Variants in GOLM2 observed in about 807,000 individuals in gnomAD.
GOLM2 encodes protein GOLM2.
A neutral mutation model predicts 55.9 loss-of-function variants in GOLM2; 26 were observed. The observed-to-expected ratio is 0.47, with a 90% CI of 0.34 to 0.65. GOLM2 has a LOEUF of 0.65. Ranked by LOEUF, GOLM2 falls within the 30% of genes least tolerant of loss-of-function variation. The pLI is 0.01. For missense variants in GOLM2, 486 were observed against 531.8 expected, an observed-to-expected ratio of 0.91 and a Z score of 0.85; for synonymous variants, 165 against 194.6, an observed-to-expected ratio of 0.85 and a Z score of 1.27.
chr15:44,289,461 C>A lies in GOLM2; in HGVS notation c.327+105C>A. On this transcript the variant is annotated intron_variant, in intron 1 of 9. Transcript: ENST00000299957. The surrounding 1 kb of genome is among the most constrained non-coding windows in gnomAD (Gnocchi z 4.8). ...TGTTGTCTTATGCCTTCCAGTATTT[C>A]AGTCCTGAAGGCTCCTTTCACCCCC... The A allele has an allele frequency of 9.3e-7, 1 of 1,073,650 alleles. No individual in the cohort carries two copies. The highest frequency in any genetic ancestry group is 1.3e-6 in the Non-Finnish European group (1 of 756,498). The allele number at this position is 1,073,650 out of a possible 1,614,324, so 66.5% of individuals were successfully genotyped here.
chr15:44,289,308 C>T lies in GOLM2; in HGVS notation c.279C>T (p.Ser93=). 1 of 1,613,728 alleles carries T rather than the reference C, an allele frequency of 6.2e-7. No homozygotes were observed. Among genetic ancestry groups the T allele is most frequent in the Non-Finnish European group, 8.5e-7 (1 of 1,179,886 alleles). The part of the protein sequence containing the change: ...QKEADYGRLS[S]RLQAREGLGK... ...AGGCCGACTACGGCCGCCTCAGCAG[C>T]CGGCTGCAGGCCAGAGAGGGCCTCG... Residue 93 remains serine, a synonymous_variant, in exon 1 of 10, where the codon AGC becomes AGT. Coordinates refer to ENST00000299957, the MANE Select transcript of GOLM2 (RefSeq NM_138423.4). This position sits in a 1 kb window ranked among gnomAD's most constrained non-coding sequence, Gnocchi z 4.8.
chr15:44,392,516 A>G (rs530442329), intron 8 of GOLM2, among the ~76,000 whole-genome samples: 6 of 151,744 alleles, frequency 4.0e-5, no homozygotes, highest in African/African-American at 1.5e-4. Flanking sequence ...CCAGCTACTT[A>G]GGAGGCTGAG....
At chr15:44,329,402 A>G (rs780008552) in intron 3 of GOLM2, among the ~76,000 whole-genome samples, 2 of 152,092 alleles carry the variant, frequency 1.3e-5, no homozygotes, top group African/African-American at 2.4e-5. Flanking sequence ...CTGACTTCTT[A>G]CTCTTGTAGG....
At position 44,330,072 on chromosome 15, in the gene GOLM2, G is replaced by A. The variant is rs566819494; in HGVS notation, c.485+1285G>A. 3.9e-3 allele frequency among the ~76,000 whole-genome samples: 590 copies of A among 150,618 alleles called. 5 individuals are homozygous for A. The highest frequency in any genetic ancestry group is 0.014 in the African/African-American group (561 of 41,134). ...ACCACAGGTGCCCGCCACCACGCCC[G>A]GCTAATTTTTTGTATTTTTAGTAGA... On this transcript the variant is annotated intron_variant, in intron 3 of 9. Transcript: ENST00000299957.
At chr15:44,348,074 C>G (rs1567031878) in intron 6 of GOLM2, among the ~76,000 whole-genome samples, 1 of 151,520 alleles carries the variant, frequency 6.6e-6, no homozygotes, top group Non-Finnish European at 1.5e-5. Context: ...TAGGAGATGC[C>G]ATGGCCTTGA....
At chr15:44,318,575 G>T (rs1427716888) in intron 1 of GOLM2, among the ~76,000 whole-genome samples, 1 of 152,112 alleles carries the variant, frequency 6.6e-6, no homozygotes. Context: ...TGTGTGTGGT[G>T]GTATGTGCCT....
At chr15:44,400,336 G>A (rs535723443) in intron 8 of GOLM2, among the ~76,000 whole-genome samples, 3 of 146,672 alleles carry the variant, frequency 2.0e-5, no homozygotes, top group South Asian at 4.3e-4. Flanking sequence ...TTTTTTCTTT[G>A]AGACAGAGTT....
intron 6 of GOLM2, among the ~76,000 whole-genome samples, chr15:44,361,034 T>C (rs1379850258): frequency 1.3e-5 from 2 of 150,390 alleles, no homozygotes; most frequent in African/African-American, 2.5e-5. Flanking sequence ...TACCAGAATC[T>C]CTGGGACACA....
At chr15:44,307,405 G>GGTTT (rs1595617681) in intron 1 of GOLM2, 1 of 152,028 alleles carries the variant, frequency 6.6e-6, no homozygotes, top group Non-Finnish European at 1.5e-5. Context: ...GTAGAGATGG[G>GGTTT]GTTTCACAGT....
intron 8 of GOLM2, chr15:44,387,273 C>A: frequency 6.6e-6 from 1 of 151,508 alleles, no homozygotes; most frequent in Non-Finnish European, 1.5e-5. Flanking sequence ...GTCTTTCAAT[C>A]CATAAATATG....
chr15:44,415,515 G>A lies in GOLM2; in HGVS notation c.*2109G>A, dbSNP rs1456057531. ...AGACATTTTATAAACAGAAATCTTGGACCAATTGATAATATTTCTGACTGT... is the reference window on the plus strand; with the variant it reads ...AGACATTTTATAAACAGAAATCTTGAACCAATTGATAATATTTCTGACTGT... On this transcript the variant is annotated 3_prime_UTR_variant, in exon 10 of 10. Transcript: ENST00000299957. 3.3e-5 allele frequency: 5 copies of A among 152,354 alleles called. No homozygotes were observed. Among genetic ancestry groups the A allele is most frequent in the African/African-American group, 4.8e-5 (2 of 41,360 alleles). The allele number at this position is 152,354 out of a possible 1,614,324, so 9.4% of individuals were successfully genotyped here.
intron 3 of GOLM2, among the ~76,000 whole-genome samples, chr15:44,330,134 T>G (rs1219131728): frequency 7.0e-6 from 1 of 143,062 alleles, no homozygotes; most frequent in African/African-American, 2.6e-5. Flanking sequence ...ATGGTCTCGA[T>G]CTCCTGACCT....
At chr15:44,322,452 A>G (rs747045343) in intron 1 of GOLM2, among the ~76,000 whole-genome samples, 12 of 152,252 alleles carry the variant, frequency 7.9e-5, no homozygotes, top group Admixed American at 1.3e-4. Context: ...TTTGGGGTAG[A>G]CAAGAGATGT....
At chr15:44,412,815 C>T (rs2079647079) in intron 9 of GOLM2, among the ~76,000 whole-genome samples, 1 of 151,952 alleles carries the variant, frequency 6.6e-6, no homozygotes, top group African/African-American at 2.4e-5. Context: ...CCAGCCTGGC[C>T]AACATGGTAA....
intron 6 of GOLM2, among the ~76,000 whole-genome samples, chr15:44,375,423 G>T (rs2079358109): frequency 6.6e-6 from 1 of 152,088 alleles, no homozygotes; most frequent in Non-Finnish European, 1.5e-5. Flanking sequence ...TTTGTTACAG[G>T]TTTTTTCTTA....
chr15:44,318,801 T>C (rs1467452148), intron 1 of GOLM2, among the ~76,000 whole-genome samples: 3 of 152,202 alleles, frequency 2.0e-5, no homozygotes, highest in Non-Finnish European at 4.4e-5. Context: ...AATCCATGTT[T>C]CTTGGAAGAC....
chr15:44,381,193 T>A (rs1388265622), intron 8 of GOLM2, among the ~76,000 whole-genome samples: 2 of 152,198 alleles, frequency 1.3e-5, no homozygotes, highest in East Asian at 3.8e-4. Context: ...TTCTCCATTG[T>A]TAAATAATAA....
chr15:44,337,730 T>A lies in GOLM2; in HGVS notation c.577-33T>A, dbSNP rs201561458. The A allele has an allele frequency of 1.8e-4, 273 of 1,513,272 alleles. 1 individual carries two copies. Among genetic ancestry groups the A allele is most frequent in the Non-Finnish European group, 2.4e-4 (267 of 1,130,152 alleles). 93.7% of individuals were successfully genotyped at this position (1,513,272 alleles called of 1,614,324 possible). ...GTGTCGGTGGTTTAACAATTTGAAC[T>A]GAAAAATATTATTACCAAATTTTGT... On this transcript the variant is annotated intron_variant, in intron 4 of 9. Transcript: ENST00000299957.
chr15:44,344,218 C>G (rs1413357717), intron 6 of GOLM2, among the ~76,000 whole-genome samples: 1 of 150,456 alleles, frequency 6.6e-6, no homozygotes, highest in Non-Finnish European at 1.5e-5. Context: ...AGAGATCACA[C>G]CACTGCACTC....
Sources: allele counts gnomAD v4.1 joint callset (sites outside exome capture counted in the v4.1 genomes callset), GRCh38; gene constraint gnomAD v4.1.1; non-coding constraint Gnocchi (gnomAD v3.1); transcripts MANE v1.5; gene names NCBI Gene and HGNC (gene_info 2026-07-23, HGNC 2026-07-21).